Variants in CNGB3 observed in about 807,000 individuals in gnomAD.
The protein encoded by CNGB3 is cyclic nucleotide gated channel subunit beta 3, also known as cyclic nucleotide-gated channel beta-3.
In CNGB3, 86 loss-of-function variants were observed where a neutral mutation model predicts 92.8. The observed-to-expected ratio is 0.93, with a 90% CI of 0.78 to 1.11. The LOEUF (loss-of-function observed/expected upper bound fraction) is 1.11, where lower values mean the gene tolerates loss of function less well. CNGB3 is among the 50% of genes least tolerant of loss of function. CNGB3 has a pLI of 0.00. For synonymous variants in CNGB3, 333 were observed against 332.7 expected, an observed-to-expected ratio of 1.00 and a Z score of -0.01; for missense variants, 1,026 against 956.8, an observed-to-expected ratio of 1.07 and a Z score of -0.95.
At chr8:86,599,956 A>T (rs1357733966) in intron 15 of CNGB3, among the ~76,000 whole-genome samples, 2 of 152,188 alleles carry the variant, frequency 1.3e-5, no homozygotes, top group African/African-American at 4.8e-5. Flanking sequence ...AATGACTAAT[A>T]AAAACTTGCT....
rs1166919250 is a variant in CNGB3 at position 86,629,011 on chromosome 8, A to G, written c.1388T>C (p.Ile463Thr). The G allele has an allele frequency of 1.9e-6, 3 of 1,614,066 alleles. No homozygotes were observed. Among genetic ancestry groups the G allele is most frequent in the East Asian group, 2.2e-5 (1 of 44,872 alleles). Reference protein sequence around the residue: ...NYFRACMDDTIAYMNNYSIPK... With the variant: ...NYFRACMDDTTAYMNNYSIPK... ...AATGGAGTAATTGTTCATGTAGGCA[A>G]TGGTGTCATCCATGCAGGCGCGGAA... is the stretch of plus-strand genomic sequence containing the variant. The change falls in exon 12 of 18, where the codon ATT (isoleucine) becomes ACT (threonine). Residue 463 changes from isoleucine to threonine, a missense_variant. Transcript: ENST00000320005.
rs548654394 is a variant in CNGB3, at chr8:86,649,194, C to CT, written c.904-1308dup. Among the ~76,000 whole-genome samples, 436 of 151,550 alleles carry CT rather than the reference C, an allele frequency of 2.9e-3. 1 individual carries two copies. Among genetic ancestry groups the CT allele is most frequent in the African/African-American group, 9.9e-3 (412 of 41,446 alleles). ...ATGACACAAACAAATGGAAACACAT[C>CT]TCATGCTTATGGATTGGAAGGATCA... On this transcript the variant is annotated intron_variant, in intron 7 of 17. Transcript: ENST00000320005.
intron 3 of CNGB3, among the ~76,000 whole-genome samples, chr8:86,696,072 A>G (rs1824444731): frequency 6.6e-6 from 1 of 152,136 alleles, no homozygotes; most frequent in Non-Finnish European, 1.5e-5. Context: ...AAGGGACTCT[A>G]TGGGAGTCCT....
chr8:86,707,245 C>T (rs995104249), intron 3 of CNGB3, among the ~76,000 whole-genome samples: 5 of 152,038 alleles, frequency 3.3e-5, no homozygotes, highest in African/African-American at 1.2e-4. Flanking sequence ...ATAACAAACT[C>T]CTATCTTTAT....
At chr8:86,609,688 CCTG>C (rs1822481316) in intron 14 of CNGB3, among the ~76,000 whole-genome samples, 1 of 152,178 alleles carries the variant, frequency 6.6e-6, no homozygotes, top group East Asian at 1.9e-4. Flanking sequence ...GGCATCTCCA[CCTG>C]ATGCCTTGAA....
chr8:86,690,700 T>G (rs947884579), intron 3 of CNGB3, among the ~76,000 whole-genome samples: 7 of 152,132 alleles, frequency 4.6e-5, no homozygotes, highest in African/African-American at 1.7e-4. Flanking sequence ...AGGTCTAACA[T>G]GTAAGACTTT....
chr8:86,689,082 T>A (rs147865777), intron 3 of CNGB3, among the ~76,000 whole-genome samples: 214 of 152,122 alleles, frequency 1.4e-3, no homozygotes, highest in Non-Finnish European at 2.3e-3. Flanking sequence ...TCCATGTGTG[T>A]ATAGTTTCCT....
chr8:86,661,736 A>G, intron 6 of CNGB3: 4 of 1,566,006 alleles, frequency 2.6e-6, no homozygotes, highest in Non-Finnish European at 3.5e-6. Flanking sequence ...TGGTTGATCT[A>G]GCATCTCAAA....
intron 13 of CNGB3, among the ~76,000 whole-genome samples, chr8:86,617,449 T>C (rs1347749689): frequency 6.6e-6 from 1 of 152,174 alleles, no homozygotes; most frequent in Non-Finnish European, 1.5e-5. Context: ...CCCATTCTCA[T>C]TAAACAAGTA....
rs151039691 is a variant in CNGB3 at position 86,575,824 on chromosome 8, T to A, written c.2410A>T (p.Lys804Ter). Residue 804 changes from lysine to a stop codon, truncating the protein, a stop_gained, in exon 18 of 18, where the codon AAA becomes TAA. Transcript: ENST00000320005. LOFTEE classifies it high-confidence loss of function. ...AACATTTATTGCTTAGCCTTTTCTT[T>A]GACTTCAATAGTAAGAACCTCTTCT... Reference protein sequence around the residue: ...GGEEVLTIEVKEKAKQ With the variant: ...GGEEVLTIEV 4.3e-5 allele frequency: 69 copies of A among 1,613,848 alleles called. No homozygotes were observed. In the African/African-American group the frequency reaches 5.1e-4, roughly 12 times the overall value.
intron 15 of CNGB3, among the ~76,000 whole-genome samples, chr8:86,591,816 A>G (rs915989896): frequency 6.6e-6 from 1 of 152,154 alleles, no homozygotes; most frequent in Admixed American, 6.5e-5. Flanking sequence ...CTGCCCCCAG[A>G]GGTGGAGCCT....
intron 15 of CNGB3, among the ~76,000 whole-genome samples, chr8:86,588,554 T>C (rs1821945752): frequency 6.6e-6 from 1 of 151,504 alleles, no homozygotes; most frequent in South Asian, 2.1e-4. Flanking sequence ...ATGAAGGTTG[T>C]TGAATTTTGT....
intron 6 of CNGB3, chr8:86,659,345 G>C (rs992111193): frequency 8.8e-7 from 1 of 1,142,360 alleles, no homozygotes; most frequent in Admixed American, 1.7e-5. Context: ...GTAACTGCTG[G>C]TTAGCATCAG....
intron 15 of CNGB3, among the ~76,000 whole-genome samples, chr8:86,585,920 C>T (rs1386868898): frequency 6.6e-6 from 1 of 152,196 alleles, no homozygotes; most frequent in Non-Finnish European, 1.5e-5. Context: ...ACCCAGCTCT[C>T]TCTTTGTTGC....
At chr8:86,720,834 ATG>A (rs1472127919) in intron 3 of CNGB3, among the ~76,000 whole-genome samples, 1,607 of 61,200 alleles carry the variant, frequency 0.026, 23 homozygotes, top group African/African-American at 0.11. Context: ...ATATATATAT[ATG>A]TATACACACA....
chr8:86,603,362 G>C (rs1307152682), intron 15 of CNGB3, among the ~76,000 whole-genome samples: 1 of 152,150 alleles, frequency 6.6e-6, no homozygotes, highest in Non-Finnish European at 1.5e-5. Flanking sequence ...TTTTTTGGTT[G>C]AATAATGAAT....
chr8:86,598,388 G>A (rs186095091), intron 15 of CNGB3, among the ~76,000 whole-genome samples: 12 of 152,300 alleles, frequency 7.9e-5, no homozygotes, highest in Middle Eastern at 3.4e-3. Context: ...TGTTGAAGGC[G>A]GAGTGTCCAT....
At chr8:86,696,282 CAGG>C (rs1392996954) in intron 3 of CNGB3, among the ~76,000 whole-genome samples, 2 of 152,042 alleles carry the variant, frequency 1.3e-5, no homozygotes, top group African/African-American at 4.8e-5. Flanking sequence ...GGCCTCCTGT[CAGG>C]AGGTGGTGCT....
At chr8:86,627,722 C>T (rs1180571419) in intron 12 of CNGB3, among the ~76,000 whole-genome samples, 2 of 152,158 alleles carry the variant, frequency 1.3e-5, no homozygotes, top group Non-Finnish European at 2.9e-5. Flanking sequence ...TTGTAGACAC[C>T]ATTAATTATT....
Sources: gnomAD v4.1 joint callset for allele counts (sites outside exome capture counted in the v4.1 genomes callset) on GRCh38, gnomAD v4.1.1 for gene constraint, MANE v1.5 for transcripts, NCBI Gene and HGNC (gene_info 2026-07-23, HGNC 2026-07-21) for gene names.